ZBTB20: variants seen among roughly 807,000 people sequenced by gnomAD.
ZBTB20 encodes zinc finger and BTB domain containing 20.
A neutral mutation model predicts 56.9 loss-of-function variants in ZBTB20; 9 were observed. That is an observed-to-expected ratio of 0.16 (90% CI 0.10 to 0.28). The LOEUF is 0.28. Among genes scored for constraint, ZBTB20 ranks in the 10% least tolerant of loss-of-function variants. The pLI, the probability that ZBTB20 is intolerant of heterozygous loss-of-function variation, is 1.00. For synonymous variants in ZBTB20, 417 were observed against 420.7 expected (o/e 0.99, Z 0.11); for missense variants, 655 against 1,003.0 (o/e 0.65, Z 4.69).
chr3:114,534,252 C>T (rs1437931906), intron 6 of ZBTB20, among the ~76,000 whole-genome samples: 2 of 151,802 alleles, frequency 1.3e-5, no homozygotes, highest in African/African-American at 2.4e-5. Flanking sequence ...ATCTCACGTA[C>T]AAAGACACAC....
chr3:114,746,895 C>A (rs1284786568), intron 5 of ZBTB20, among the ~76,000 whole-genome samples: 1 of 152,144 alleles, frequency 6.6e-6, no homozygotes, highest in Non-Finnish European at 1.5e-5. Flanking sequence ...AACATGAACA[C>A]CATCTCATGC....
At chr3:115,061,300 T>C (rs567330245) in intron 2 of ZBTB20, among the ~76,000 whole-genome samples, 8 of 152,152 alleles carry the variant, frequency 5.3e-5, no homozygotes, top group Non-Finnish European at 1.2e-4. Context: ...AAAATGCAAA[T>C]AGTCATCCCT....
At chr3:114,541,749 T>G (rs1307202511) in intron 6 of ZBTB20, among the ~76,000 whole-genome samples, 1 of 152,136 alleles carries the variant, frequency 6.6e-6, no homozygotes, top group Non-Finnish European at 1.5e-5. Context: ...GGTTTATGGG[T>G]GCATCTAGCA....
At chr3:114,711,856 C>T (rs1247152852) in intron 5 of ZBTB20, among the ~76,000 whole-genome samples, 1 of 152,158 alleles carries the variant, frequency 6.6e-6, no homozygotes, top group Non-Finnish European at 1.5e-5. Flanking sequence ...AAGCAAACAA[C>T]ATTCTAAGTG....
intron 5 of ZBTB20, among the ~76,000 whole-genome samples, chr3:114,793,654 T>C (rs2071135703): frequency 6.6e-6 from 1 of 152,126 alleles, no homozygotes; most frequent in Non-Finnish European, 1.5e-5. Context: ...CTTTGCCAGA[T>C]GAGGTGCGTA....
chr3:114,851,432 TC>T (rs2074993710), intron 4 of ZBTB20, among the ~76,000 whole-genome samples: 1 of 152,024 alleles, frequency 6.6e-6, no homozygotes, highest in South Asian at 2.1e-4. Context: ...TTAAAATTTA[TC>T]CCTTATGTTC....
intron 7 of ZBTB20, among the ~76,000 whole-genome samples, chr3:114,487,403 G>T (rs2042256983): frequency 6.6e-6 from 1 of 152,096 alleles, no homozygotes; most frequent in South Asian, 2.1e-4. Context: ...TGGCCTGAAG[G>T]GACTTCCTAG....
chr3:114,413,040 C>T (rs542088844), intron 7 of ZBTB20, among the ~76,000 whole-genome samples: 20 of 152,136 alleles, frequency 1.3e-4, no homozygotes, highest in African/African-American at 3.6e-4. Flanking sequence ...AGTTAAATTA[C>T]GATCAGCTCT....
At chr3:114,950,104 T>A (rs545755572) in intron 3 of ZBTB20, among the ~76,000 whole-genome samples, 3 of 152,246 alleles carry the variant, frequency 2.0e-5, no homozygotes, top group African/African-American at 7.2e-5. Flanking sequence ...CCAAGTGTTT[T>A]CGACGAGTAG....
chr3:115,010,968 G>A (rs557586771), intron 2 of ZBTB20, among the ~76,000 whole-genome samples: 2 of 151,826 alleles, frequency 1.3e-5, no homozygotes, highest in East Asian at 2.0e-4. Flanking sequence ...ATTAAAAAGA[G>A]GCAGGCAGAA....
In ZBTB20 at chr3:114,744,017, G is replaced by T. The variant is rs1412846849; in HGVS notation, c.-342-50442C>A. Among the ~76,000 whole-genome samples the T allele has an allele frequency of 2.0e-5, 3 of 152,160 alleles. No individual in the cohort carries two copies. The East Asian group carries it at 5.8e-4, about 29-fold the overall frequency. On this transcript the variant is annotated intron_variant, in intron 5 of 11. Coordinates refer to ENST00000675478, the MANE Select transcript of ZBTB20 (RefSeq NM_001348800.3). ...GAAAGCAAGGAGTAGAGCTGAGAAG[G>T]AAACCCCAGTGTGAACTTGATTTTT... is the stretch of plus-strand genomic sequence containing the variant.
Position 114,427,244 on chromosome 3 carries a change from A to G in ZBTB20, c.-254-38139T>C, listed in dbSNP as rs186259253. On this transcript the variant is annotated intron_variant, in intron 7 of 11. Transcript: ENST00000675478. ...TTTAATATTATATTCATAAAACTATATTTTTAAAAACAGCTTTGATTTTAA... is the reference window on the plus strand; with the variant it reads ...TTTAATATTATATTCATAAAACTATGTTTTTAAAAACAGCTTTGATTTTAA... Among the ~76,000 whole-genome samples the G allele has an allele frequency of 3.9e-5, 6 of 152,350 alleles. No homozygotes were observed. In the East Asian group the frequency reaches 9.6e-4, roughly 24 times the overall value.
At chr3:114,575,071 T>A (rs1009247715) in intron 6 of ZBTB20, among the ~76,000 whole-genome samples, 4 of 152,204 alleles carry the variant, frequency 2.6e-5, no homozygotes, top group African/African-American at 9.6e-5. Flanking sequence ...CTACAGAGTT[T>A]AATGAACTAC....
At chr3:114,566,237 G>A (rs2052730268) in intron 6 of ZBTB20, among the ~76,000 whole-genome samples, 1 of 152,070 alleles carries the variant, frequency 6.6e-6, no homozygotes, top group Non-Finnish European at 1.5e-5. Context: ...TTGAAACACG[G>A]AAGCTTGAAA....
chr3:114,921,550 C>T (rs2075959845), intron 3 of ZBTB20, among the ~76,000 whole-genome samples: 1 of 152,034 alleles, frequency 6.6e-6, no homozygotes, highest in South Asian at 2.1e-4. Flanking sequence ...GCCAGCATTG[C>T]CCTCATACCA....
chr3:114,588,178 T>C (rs918295524), intron 6 of ZBTB20, among the ~76,000 whole-genome samples: 2 of 152,242 alleles, frequency 1.3e-5, no homozygotes, highest in Non-Finnish European at 2.9e-5. Flanking sequence ...TTTCTTACCA[T>C]GACAAGGATC....
chr3:114,377,363 A>G (rs183814955), intron 10 of ZBTB20, among the ~76,000 whole-genome samples: 15 of 152,330 alleles, frequency 9.8e-5, no homozygotes, highest in African/African-American at 3.4e-4. Context: ...CACAAAAGAA[A>G]GCATATCTCA....
intron 7 of ZBTB20, among the ~76,000 whole-genome samples, chr3:114,408,212 T>C (rs751871577): frequency 3.4e-4 from 52 of 152,224 alleles, no homozygotes; most frequent in Non-Finnish European, 6.0e-4. Context: ...TAAAAAATAC[T>C]ATGTAAGTAC....
chr3:114,385,623 C>T (rs2085015943), intron 8 of ZBTB20, among the ~76,000 whole-genome samples: 1 of 152,154 alleles, frequency 6.6e-6, no homozygotes, highest in South Asian at 2.1e-4. Context: ...AATCCCAGTA[C>T]TTTGGGAAGT....
Sources: gnomAD v4.1 joint callset for allele counts (sites outside exome capture counted in the v4.1 genomes callset) on GRCh38, gnomAD v4.1.1 for gene constraint, MANE v1.5 for transcripts, NCBI Gene and HGNC (gene_info 2026-07-23, HGNC 2026-07-21) for gene names.